BCAS3: variants seen among roughly 807,000 people sequenced by gnomAD.
BCAS3 encodes the protein BCAS4/BCAS3 fusion.
In BCAS3, 53 loss-of-function variants were observed where a neutral mutation model predicts 116.1. The observed-to-expected ratio is 0.46, with a 90% confidence interval of 0.37 to 0.57. The LOEUF (loss-of-function observed/expected upper bound fraction) is 0.57. Among genes scored for constraint, BCAS3 ranks in the 20% least tolerant of loss-of-function variants. BCAS3 has a pLI of 0.00. For missense variants in BCAS3, 917 were observed against 1,165.4 expected (o/e 0.79, Z 3.10); for synonymous variants, 391 against 408.2 (o/e 0.96, Z 0.51).
At chr17:60,843,762 T>C (rs1177386076) in intron 7 of BCAS3, among the ~76,000 whole-genome samples, 1 of 152,226 alleles carries the variant, frequency 6.6e-6, no homozygotes, top group Non-Finnish European at 1.5e-5. Flanking sequence ...TGCATATCCT[T>C]TTATCATCTG....
At chr17:60,814,290 T>C (rs1199093891) in intron 7 of BCAS3, among the ~76,000 whole-genome samples, 4 of 128,124 alleles carry the variant, frequency 3.1e-5, no homozygotes, top group African/African-American at 1.8e-4. Flanking sequence ...TGTGTGTGTG[T>C]GTGTGTGTGT....
At chr17:61,272,598 C>T (rs1335394910) in intron 22 of BCAS3, among the ~76,000 whole-genome samples, 1 of 123,878 alleles carries the variant, frequency 8.1e-6, no homozygotes, top group Non-Finnish European at 1.6e-5. Context: ...GGGAGTGCAC[C>T]ACTGCACTCC....
intron 22 of BCAS3, among the ~76,000 whole-genome samples, chr17:61,142,555 G>A (rs1568441652): frequency 2.0e-5 from 3 of 152,174 alleles, no homozygotes; most frequent in Admixed American, 6.5e-5. Flanking sequence ...ACAACATTCT[G>A]GGGCAGGGGA....
intron 7 of BCAS3, among the ~76,000 whole-genome samples, chr17:60,844,387 A>G (rs1204071694): frequency 1.3e-5 from 2 of 152,204 alleles, no homozygotes; most frequent in African/African-American, 4.8e-5. Context: ...TTACTTCCAT[A>G]TTGCTCAAAA....
At position 60,973,464 on chromosome 17, in the gene BCAS3, A is replaced by G. The variant is rs185994579; in HGVS notation, c.1222-16507A>G. ...GCCTCTCAGTAGTTAAATCTATATA[A>G]TCATCACCACAATCAAGATATAGAA... On this transcript the variant is annotated intron_variant, in intron 14 of 23. Transcript: ENST00000407086. Among the ~76,000 whole-genome samples, 3 of 152,046 alleles carry G rather than the reference A, an allele frequency of 2.0e-5. No individual in the cohort carries two copies. The East Asian group carries it at 5.8e-4, about 29-fold the overall frequency.
chr17:60,928,972 A>G (rs963333414), intron 13 of BCAS3, among the ~76,000 whole-genome samples: 2 of 152,166 alleles, frequency 1.3e-5, no homozygotes, highest in Admixed American at 1.3e-4. Flanking sequence ...ATGCATAGAT[A>G]CCTCAGTAGC....
chr17:60,717,090 A>T (rs1034517328), intron 5 of BCAS3, among the ~76,000 whole-genome samples: 1 of 152,192 alleles, frequency 6.6e-6, no homozygotes, highest in African/African-American at 2.4e-5. Flanking sequence ...AGCCTCTCAA[A>T]GACCCAGTGA....
rs952421007 is a variant in BCAS3 at position 61,098,451 on chromosome 17, G to A, written c.2425+13887G>A. On this transcript the variant is annotated intron_variant, in intron 22 of 23. Transcript: ENST00000407086. The surrounding 1 kb of genome is among the most constrained non-coding windows in gnomAD (Gnocchi z 4.2). ...GATCCTGATATTTTGCCAAAGTTGTGACTTTAATATTCTGTGGCTTGTAAT... is the reference window on the plus strand; with the variant it reads ...GATCCTGATATTTTGCCAAAGTTGTAACTTTAATATTCTGTGGCTTGTAAT... Among the ~76,000 whole-genome samples the A allele has an allele frequency of 6.6e-6, 1 of 152,134 alleles. No individual in the cohort carries two copies. Among genetic ancestry groups the A allele is most frequent in the African/African-American group, 2.4e-5 (1 of 41,434 alleles).
intron 13 of BCAS3, among the ~76,000 whole-genome samples, chr17:60,929,088 G>A (rs61319091): frequency 6.6e-6 from 1 of 151,994 alleles, no homozygotes; most frequent in Non-Finnish European, 1.5e-5. Flanking sequence ...CTTCCCACTA[G>A]TAAATCATAA....
chr17:61,371,825 T>G (rs2059063585), intron 23 of BCAS3, among the ~76,000 whole-genome samples: 1 of 152,290 alleles, frequency 6.6e-6, no homozygotes, highest in South Asian at 2.1e-4. Flanking sequence ...TCAGCCGAGG[T>G]CTGCATTTCA....
At chr17:61,191,508 G>A (rs1184884491) in intron 22 of BCAS3, among the ~76,000 whole-genome samples, 1 of 152,168 alleles carries the variant, frequency 6.6e-6, no homozygotes, top group African/African-American at 2.4e-5. Context: ...AGGCGCGGTG[G>A]CTCACGCCTG....
chr17:61,341,687 G>A (rs1055730407), intron 22 of BCAS3, among the ~76,000 whole-genome samples: 1 of 152,172 alleles, frequency 6.6e-6, no homozygotes, highest in Non-Finnish European at 1.5e-5. Flanking sequence ...CAACTGAAAA[G>A]CACACCCAGT....
chr17:60,972,906 G>A (rs1218409702), intron 14 of BCAS3, among the ~76,000 whole-genome samples: 1 of 152,084 alleles, frequency 6.6e-6, no homozygotes, highest in African/African-American at 2.4e-5. Flanking sequence ...ACTTTGGCAA[G>A]GTAGTTATTG....
intron 5 of BCAS3, among the ~76,000 whole-genome samples, chr17:60,716,351 CAT>C (rs1034373393): frequency 6.6e-6 from 1 of 152,054 alleles, no homozygotes; most frequent in African/African-American, 2.4e-5. Flanking sequence ...AAGGAAGTGA[CAT>C]ATAAGCTAAA....
chr17:60,944,230 A>T (rs888750267), intron 13 of BCAS3, among the ~76,000 whole-genome samples: 9 of 152,076 alleles, frequency 5.9e-5, no homozygotes, highest in Non-Finnish European at 1.3e-4. Context: ...GTGAAGAAAA[A>T]AAACAGAGAA....
At chr17:61,176,569 G>T (rs1006296941) in intron 22 of BCAS3, among the ~76,000 whole-genome samples, 26 of 141,202 alleles carry the variant, frequency 1.8e-4, no homozygotes, top group Middle Eastern at 3.6e-3. Context: ...ATTTATTTAT[G>T]TATTTAGAGA....
At chr17:60,811,518 G>C (rs1201777664) in intron 7 of BCAS3, 1 of 370,150 alleles carries the variant, frequency 2.7e-6, no homozygotes, top group East Asian at 6.6e-5. Flanking sequence ...AAAGTTCAGA[G>C]GTAAAAAAAA....
chr17:60,956,941 GTACTT>G lies in BCAS3; in HGVS notation c.1221+9592_1221+9596del, dbSNP rs2061165159. On this transcript the variant is annotated intron_variant, in intron 14 of 23. Coordinates refer to ENST00000407086, the MANE Select transcript of BCAS3 (RefSeq NM_017679.5). The surrounding 1 kb of genome is among the most constrained non-coding windows in gnomAD (Gnocchi z 4.2). ...CTGGATTCTTCCAAGAACTCTGACG[GTACTT>G]TAATCAGGCAAGGAAAAAAATTCAG... 6.6e-6 allele frequency among the ~76,000 whole-genome samples: 1 copy of G among 152,062 alleles called. No homozygotes were observed.
chr17:61,333,431 GGCCTCT>G lies in BCAS3; in HGVS notation c.2426-34894_2426-34889del, dbSNP rs1172276101. On this transcript the variant is annotated intron_variant, in intron 22 of 23. Coordinates refer to ENST00000407086, the MANE Select transcript of BCAS3 (RefSeq NM_017679.5). The surrounding 1 kb of genome is among the most constrained non-coding windows in gnomAD (Gnocchi z 4.8). The stretch of plus-strand genomic sequence containing the variant: ...GTGGAGACGTCCTGTGAGGCAGGCA[GGCCTCT>G]GTCTCAGCATCACCAATAGCTCACC... Among the ~76,000 whole-genome samples the G allele has an allele frequency of 6.6e-6, 1 of 152,074 alleles. No homozygotes were observed. Among genetic ancestry groups the G allele is most frequent in the Non-Finnish European group, 1.5e-5 (1 of 68,024 alleles).
Sources: gnomAD v4.1 joint callset for allele counts (sites outside exome capture counted in the v4.1 genomes callset) on GRCh38, gnomAD v4.1.1 for gene constraint, Gnocchi (gnomAD v3.1) non-coding constraint, MANE v1.5 for transcripts, NCBI Gene and HGNC (gene_info 2026-07-23, HGNC 2026-07-21) for gene names.